DLG1: variants seen among roughly 807,000 people sequenced by gnomAD.
DLG1 encodes discs large MAGUK scaffold protein 1.
Under a neutral mutation model 123.4 loss-of-function variants are expected in DLG1, and 42 were observed. That is an observed-to-expected ratio of 0.34 (90% confidence interval 0.27 to 0.44). DLG1 has a LOEUF of 0.44. Ranked by LOEUF, DLG1 falls within the 20% of genes least tolerant of loss-of-function variation. The pLI, the probability that DLG1 is intolerant of heterozygous loss-of-function variation, is 1.00. For synonymous variants in DLG1, 317 were observed against 356.2 expected (o/e 0.89, Z 1.24); for missense variants, 942 against 1,082.6 (o/e 0.87, Z 1.82).
chr3:197,274,390 A>G (rs546586719), intron 4 of DLG1, among the ~76,000 whole-genome samples: 8 of 152,232 alleles, frequency 5.3e-5, no homozygotes, highest in Admixed American at 1.3e-4. Flanking sequence ...CTGGATATCC[A>G]TATGTAGAAT....
intron 14 of DLG1, among the ~76,000 whole-genome samples, chr3:197,101,954 G>C (rs1763722015): frequency 6.6e-6 from 1 of 151,958 alleles, no homozygotes. Flanking sequence ...ACAAGATCTT[G>C]CTATGTTGCC....
At chr3:197,181,251 C>T (rs1487063133) in intron 5 of DLG1, among the ~76,000 whole-genome samples, 2 of 152,132 alleles carry the variant, frequency 1.3e-5, no homozygotes, top group African/African-American at 2.4e-5. Context: ...TGATTTATAA[C>T]AACTCTCCAA....
chr3:197,211,867 A>T lies in DLG1; in HGVS notation c.319-17278T>A, dbSNP rs1280093060. Among the ~76,000 whole-genome samples, 2 of 146,238 alleles carry T rather than the reference A, an allele frequency of 1.4e-5. 1 individual carries two copies. The highest frequency in any genetic ancestry group is 3.1e-5 in the Non-Finnish European group (2 of 65,158). On this transcript the variant is annotated intron_variant, in intron 4 of 24. Coordinates refer to ENST00000667157, the MANE Select transcript of DLG1 (RefSeq NM_001366207.1). ...CATGGACATCAATGACAGACTGGCT[A>T]AAAAAAATGTGGTACATATACACCA...
intron 11 of DLG1, among the ~76,000 whole-genome samples, chr3:197,126,372 C>A (rs1321435455): frequency 6.6e-6 from 1 of 151,580 alleles, no homozygotes. Context: ...GCTACTGAGG[C>A]AAGAGAATGG....
At chr3:197,229,454 T>TAAA (rs35520172) in intron 4 of DLG1, among the ~76,000 whole-genome samples, 17 of 121,402 alleles carry the variant, frequency 1.4e-4, no homozygotes, top group African/African-American at 2.8e-4. Flanking sequence ...GCCTGTCTCT[T>TAAA]AAAAAAAAAA....
chr3:197,166,600 C>T (rs1279743337), intron 5 of DLG1, among the ~76,000 whole-genome samples: 1 of 152,118 alleles, frequency 6.6e-6, no homozygotes, highest in Non-Finnish European at 1.5e-5. Flanking sequence ...TTTAAAACAA[C>T]ACAACATGGC....
intron 3 of DLG1, among the ~76,000 whole-genome samples, chr3:197,293,649 T>C (rs538286190): frequency 6.6e-6 from 1 of 152,100 alleles, no homozygotes; most frequent in African/African-American, 2.4e-5. Flanking sequence ...TTTAAATGCA[T>C]GAAAAGTCAA....
intron 17 of DLG1, 46 bp downstream of exon 17, chr3:197,081,005 T>A (rs747160456): frequency 6.5e-7 from 1 of 1,534,016 alleles, no homozygotes; most frequent in South Asian, 1.1e-5. Flanking sequence ...TTTAACAATG[T>A]AGCTCAAACA....
intron 4 of DLG1, among the ~76,000 whole-genome samples, chr3:197,234,653 G>T (rs1274519889): frequency 6.6e-6 from 1 of 152,088 alleles, no homozygotes; most frequent in Non-Finnish European, 1.5e-5. Context: ...CAAACTGGGG[G>T]AACAAAGAAA....
At chr3:197,068,984 A>G (rs932641269) in intron 19 of DLG1, among the ~76,000 whole-genome samples, 15 of 149,178 alleles carry the variant, frequency 1.0e-4, no homozygotes, top group Admixed American at 9.5e-4. Context: ...ATACATATAC[A>G]TATGTATCAT....
intron 17 of DLG1, among the ~76,000 whole-genome samples, chr3:197,079,917 G>A (rs1458013000): frequency 6.6e-6 from 1 of 151,932 alleles, no homozygotes; most frequent in Non-Finnish European, 1.5e-5. Flanking sequence ...TACCAGAGAT[G>A]TACAGAGTAA....
intron 4 of DLG1, among the ~76,000 whole-genome samples, chr3:197,254,409 T>C: frequency 6.6e-6 from 1 of 152,164 alleles, no homozygotes; most frequent in Non-Finnish European, 1.5e-5. Flanking sequence ...CCTAAACAAA[T>C]TCAACTCCTA....
At chr3:197,044,784 T>C (rs1721756435) in intron 24 of DLG1, 55 bp from the exon 25 acceptor site, 1 of 1,154,108 alleles carries the variant, frequency 8.7e-7, no homozygotes, top group African/African-American at 1.6e-5. Context: ...TTTTTGCCAT[T>C]ACAATTATTG....
At chr3:197,280,568 T>C (rs1768818239) in intron 4 of DLG1, among the ~76,000 whole-genome samples, 1 of 152,148 alleles carries the variant, frequency 6.6e-6, no homozygotes, top group African/African-American at 2.4e-5. Context: ...CTGCATACTG[T>C]TTTCCATAAT....
At chr3:197,061,352 TA>T in intron 22 of DLG1, among the ~76,000 whole-genome samples, 1 of 152,364 alleles carries the variant, frequency 6.6e-6, no homozygotes, top group South Asian at 2.1e-4. Context: ...ACTCTTTCTA[TA>T]TATGTACATA....
chr3:197,053,153 G>T (rs1179874550), intron 23 of DLG1, among the ~76,000 whole-genome samples: 1 of 152,192 alleles, frequency 6.6e-6, no homozygotes, highest in Admixed American at 6.5e-5. Flanking sequence ...GCTGCAGCTG[G>T]ATGATGAGTA....
chr3:197,150,697 T>C (rs1428020756), intron 5 of DLG1, among the ~76,000 whole-genome samples: 3 of 152,104 alleles, frequency 2.0e-5, no homozygotes, highest in Non-Finnish European at 4.4e-5. Context: ...ATAAAAGCTG[T>C]ATAAAGTAAC....
chr3:197,085,033 C>T (rs930178716), intron 16 of DLG1, among the ~76,000 whole-genome samples: 7 of 151,622 alleles, frequency 4.6e-5, no homozygotes, highest in African/African-American at 9.7e-5. Flanking sequence ...GTGATCCACC[C>T]GCCTCAGCCT....
At chr3:197,104,108 G>A (rs377552502) in intron 14 of DLG1, among the ~76,000 whole-genome samples, 11 of 152,040 alleles carry the variant, frequency 7.2e-5, no homozygotes, top group African/African-American at 1.2e-4. Context: ...TTTAAATAGC[G>A]GCAGTAACAG....
Sources: allele counts gnomAD v4.1 joint callset (sites outside exome capture counted in the v4.1 genomes callset), GRCh38; gene constraint gnomAD v4.1.1; transcripts MANE v1.5; gene names NCBI Gene and HGNC (gene_info 2026-07-23, HGNC 2026-07-21).